The following CSMD3 variants were observed in gnomAD, a reference collection of about 807,000 sequenced individuals.
The protein encoded by CSMD3 is CUB and sushi domain-containing protein 3.
CSMD3 carries 177 observed loss-of-function variants against 435.2 expected under a neutral mutation model. The ratio of observed to expected loss-of-function variants is 0.41; its 90% confidence interval spans 0.36 to 0.46. The LOEUF (loss-of-function observed/expected upper bound fraction) is 0.46. Among genes scored for constraint, CSMD3 ranks in the 20% least tolerant of loss-of-function variants. The pLI is 0.34. For synonymous variants in CSMD3, 1,656 were observed against 1,520.5 expected, an observed-to-expected ratio of 1.09 and a Z score of -2.07; for missense variants, 4,265 against 4,504.6, an observed-to-expected ratio of 0.95 and a Z score of 1.52.
chr8:112,260,451 A>G (rs181094882), intron 61 of CSMD3, among the ~76,000 whole-genome samples: 1 of 152,322 alleles, frequency 6.6e-6, no homozygotes, highest in African/African-American at 2.4e-5. Flanking sequence ...GAAATGATAT[A>G]CGTAAAGCAA....
intron 27 of CSMD3, among the ~76,000 whole-genome samples, chr8:112,538,249 G>A (rs542801145): frequency 6.6e-6 from 1 of 152,132 alleles, no homozygotes; most frequent in Admixed American, 6.6e-5. Flanking sequence ...ATCCTAAACA[G>A]GGAAATGTCG....
rs1006326314 is a variant in CSMD3 at position 112,656,042 on chromosome 8, G to A, written c.3004+112C>T. 4 of 648,624 alleles carry A rather than the reference G, an allele frequency of 6.2e-6. No individual in the cohort carries two copies. The East Asian group carries it at 1.1e-4, about 18-fold the overall frequency. The allele number at this position is 648,624 out of a possible 1,614,324, so 40.2% of individuals were successfully genotyped here. A position where few individuals can be genotyped will look rare whatever the true frequency, so the allele number is the denominator to read the frequency against. On this transcript the variant is annotated intron_variant, in intron 18 of 70. Transcript: ENST00000297405. ...AGCATTAACATTCTTATAGATGAAG[G>A]AAAGCTTTGATTTAAAATAAATAGA...
intron 9 of CSMD3, among the ~76,000 whole-genome samples, chr8:112,923,119 A>G (rs1409404916): frequency 1.3e-5 from 2 of 152,110 alleles, no homozygotes; most frequent in Non-Finnish European, 2.9e-5. Flanking sequence ...GTTAATAGGA[A>G]TCTGAGCCAC....
At chr8:113,010,601 A>G (rs2086222471) in intron 6 of CSMD3, among the ~76,000 whole-genome samples, 1 of 151,780 alleles carries the variant, frequency 6.6e-6, no homozygotes, top group Non-Finnish European at 1.5e-5. Context: ...TAGTAATTGA[A>G]ATAAAAATCA....
chr8:112,251,799 T>C (rs1815287313), intron 63 of CSMD3, among the ~76,000 whole-genome samples: 1 of 151,820 alleles, frequency 6.6e-6, no homozygotes, highest in African/African-American at 2.4e-5. Flanking sequence ...GTTTAACAAG[T>C]GATACAGCAG....
intron 27 of CSMD3, among the ~76,000 whole-genome samples, chr8:112,518,864 A>C (rs1823983249): frequency 6.6e-6 from 1 of 152,134 alleles, no homozygotes; most frequent in African/African-American, 2.4e-5. Context: ...ACTTACAATC[A>C]TGGCAGAAGG....
chr8:112,954,203 T>G (rs1398996324), intron 8 of CSMD3, among the ~76,000 whole-genome samples: 1 of 151,554 alleles, frequency 6.6e-6, no homozygotes, highest in Non-Finnish European at 1.5e-5. Context: ...TTATAAAATA[T>G]TTGATTTCAT....
intron 58 of CSMD3, among the ~76,000 whole-genome samples, chr8:112,282,076 T>A (rs1818710722): frequency 6.6e-6 from 1 of 152,166 alleles, no homozygotes; most frequent in Admixed American, 6.6e-5. Context: ...TCAAACGTAA[T>A]ACTTAATTTT....
At chr8:113,113,686 A>C (rs2090735104) in intron 4 of CSMD3, among the ~76,000 whole-genome samples, 1 of 152,184 alleles carries the variant, frequency 6.6e-6, no homozygotes, top group Non-Finnish European at 1.5e-5. Flanking sequence ...TGAAAGTAAA[A>C]GTTCTCTATG....
At chr8:113,418,641 A>C (rs2094594100) in intron 1 of CSMD3, among the ~76,000 whole-genome samples, 1 of 152,208 alleles carries the variant, frequency 6.6e-6, no homozygotes, top group African/African-American at 2.4e-5. Context: ...ATAACTTATA[A>C]ATTCTAATGT....
chr8:112,689,845 G>A (rs1190132626), intron 14 of CSMD3, 23 bp downstream of exon 14: 3 of 1,600,570 alleles, frequency 1.9e-6, no homozygotes, highest in Non-Finnish European at 2.6e-6. Flanking sequence ...ATGCTATCTG[G>A]AAGCAAAGCA....
At chr8:112,929,269 C>T (rs765557665) in intron 9 of CSMD3, among the ~76,000 whole-genome samples, 22 of 148,736 alleles carry the variant, frequency 1.5e-4, no homozygotes, top group Non-Finnish European at 2.1e-4. Context: ...GGAGATATAC[C>T]TAATGCTAGA....
At chr8:112,238,354 G>C (rs187751591) in intron 66 of CSMD3, among the ~76,000 whole-genome samples, 1 of 151,932 alleles carries the variant, frequency 6.6e-6, no homozygotes, top group African/African-American at 2.4e-5. Flanking sequence ...CAGATCACAG[G>C]GATTGCCATG....
At chr8:113,313,386 A>C (rs1284507902) in intron 2 of CSMD3, 1 of 151,604 alleles carries the variant, frequency 6.6e-6, no homozygotes, top group Non-Finnish European at 1.5e-5. Context: ...CAGTGGCGCG[A>C]TCTTGGCTCG....
chr8:112,843,583 C>T (rs1016324000), intron 11 of CSMD3, among the ~76,000 whole-genome samples: 3 of 151,806 alleles, frequency 2.0e-5, no homozygotes, highest in Non-Finnish European at 4.4e-5. Context: ...CAAGTCTTAA[C>T]ATTAGAGGAA....
intron 1 of CSMD3, among the ~76,000 whole-genome samples, chr8:113,393,412 C>G (rs901321854): frequency 4.0e-5 from 6 of 151,896 alleles, no homozygotes; most frequent in Admixed American, 3.9e-4. Flanking sequence ...AAAACTTAAC[C>G]CACTCTTTAG....
intron 3 of CSMD3, among the ~76,000 whole-genome samples, chr8:113,185,308 G>GA (rs980286161): frequency 6.6e-6 from 1 of 151,562 alleles, no homozygotes; most frequent in Non-Finnish European, 1.5e-5. Flanking sequence ...AAGGAAAGGA[G>GA]AAAAAAAAGT....
At chr8:112,372,264 G>T (rs1021661610) in intron 38 of CSMD3, among the ~76,000 whole-genome samples, 1 of 152,098 alleles carries the variant, frequency 6.6e-6, no homozygotes, top group Non-Finnish European at 1.5e-5. Context: ...TTGATTAAGT[G>T]GGGGAATATT....
chr8:112,902,750 G>A (rs571539323), intron 10 of CSMD3, among the ~76,000 whole-genome samples: 32 of 151,298 alleles, frequency 2.1e-4, no homozygotes, highest in Admixed American at 4.0e-4. Flanking sequence ...TGAAAACTAC[G>A]GATTTAATAC....
Sources: allele counts gnomAD v4.1 joint callset (sites outside exome capture counted in the v4.1 genomes callset), GRCh38; gene constraint gnomAD v4.1.1; transcripts MANE v1.5; gene names NCBI Gene and HGNC (gene_info 2026-07-23, HGNC 2026-07-21).